FBXL20: variants seen among roughly 807,000 people sequenced by gnomAD.
The protein encoded by FBXL20 is F-box/LRR-repeat protein 20.
A neutral mutation model predicts 64.0 loss-of-function variants in FBXL20; 11 were observed. The observed-to-expected ratio is 0.17, with a 90% confidence interval of 0.11 to 0.28. The LOEUF is 0.28. FBXL20 is among the 10% of genes least tolerant of loss of function. The pLI is 1.00. For missense variants in FBXL20, 303 were observed against 526.2 expected (o/e 0.58, Z 4.15); for synonymous variants, 184 against 189.0 (o/e 0.97, Z 0.22).
chr17:39,289,175 C>G (rs1298943554), intron 6 of FBXL20, among the ~76,000 whole-genome samples: 1 of 152,150 alleles, frequency 6.6e-6, no homozygotes, highest in Admixed American at 6.5e-5. Context: ...AATAACCCTT[C>G]AAATCAGGTA....
chr17:39,381,344 G>A (rs901480216), intron 1 of FBXL20, among the ~76,000 whole-genome samples: 7 of 151,386 alleles, frequency 4.6e-5, no homozygotes, highest in Non-Finnish European at 1.0e-4. Context: ...GCCGGGTGTG[G>A]TGGCATACAC....
intron 1 of FBXL20, among the ~76,000 whole-genome samples, chr17:39,387,545 C>T (rs998760870): frequency 2.0e-5 from 3 of 150,772 alleles, no homozygotes; most frequent in African/African-American, 4.9e-5. Context: ...TCCCAAAGTG[C>T]TGGGATTACA....
intron 2 of FBXL20, among the ~76,000 whole-genome samples, chr17:39,310,976 ACT>A (rs1294161165): frequency 6.6e-6 from 1 of 150,930 alleles, no homozygotes; most frequent in Non-Finnish European, 1.5e-5. Context: ...ACAAAGTGAG[ACT>A]CTCTCTCAAA....
intron 5 of FBXL20, among the ~76,000 whole-genome samples, chr17:39,298,075 T>G (rs377068840): frequency 3.0e-4 from 46 of 152,164 alleles, no homozygotes; most frequent in East Asian, 2.1e-3. Context: ...AAACATAACT[T>G]TAAAAATTAT....
At chr17:39,297,045 A>C in intron 6 of FBXL20, 82 bp downstream of exon 6, 9 of 861,952 alleles carry the variant, frequency 1.0e-5, no homozygotes, top group Non-Finnish European at 1.2e-5. Flanking sequence ...TTTGCTCAAT[A>C]GAGTTAATGG....
At chr17:39,401,902 C>CGTGTGGAAAAGGGGGTCT, upstream of FBXL20, 1 of 410,592 alleles carries the variant, frequency 2.4e-6, no homozygotes, top group Non-Finnish European at 4.0e-6. Context: ...AGTGCCTGTG[C>CGTGTGGAAAAGGGGGTCT]GTGTGGAAAA....
At chr17:39,333,398 C>T (rs1199821642) in intron 2 of FBXL20, among the ~76,000 whole-genome samples, 6 of 152,218 alleles carry the variant, frequency 3.9e-5, no homozygotes, top group South Asian at 2.1e-4. Flanking sequence ...CTGCCAGCCT[C>T]GGCCTCCCGA....
intron 2 of FBXL20, among the ~76,000 whole-genome samples, chr17:39,341,462 C>T (rs1254108207): frequency 6.6e-6 from 1 of 152,132 alleles, no homozygotes; most frequent in Admixed American, 6.6e-5. Flanking sequence ...AGATGAGAGG[C>T]AGAGGTCATG....
chr17:39,263,846 T>C (rs1405882628), intron 14 of FBXL20: 11 of 204,242 alleles, frequency 5.4e-5, no homozygotes, highest in Non-Finnish European at 9.0e-5. Context: ...ATTCCTTTCT[T>C]TCCTTTAGAA....
At position 39,318,667 on chromosome 17, in the gene FBXL20, G is replaced by A. The variant is rs1319516891; in HGVS notation, c.105-15028C>T. 3.3e-5 allele frequency among the ~76,000 whole-genome samples: 5 copies of A among 152,164 alleles called. No individual in the cohort carries two copies. The East Asian group carries it at 9.7e-4, about 30-fold the overall frequency. On this transcript the variant is annotated intron_variant, in intron 2 of 14. Coordinates refer to ENST00000264658, the MANE Select transcript of FBXL20 (RefSeq NM_032875.3). ...AGGCAAGAGAATCGCTTGAACCAGG[G>A]AGGCGAAGGTTTCAGTGAGCCGAGA...
chr17:39,261,322 C>G lies in FBXL20; in HGVS notation c.*138G>C, dbSNP rs3744348. 0.72 allele frequency: 520,997 copies of G among 724,598 alleles called. 195,429 individuals carry two copies. Among genetic ancestry groups the G allele is most frequent in the South Asian group, 0.89 (59,277 of 66,478 alleles). 44.9% of individuals were successfully genotyped at this position (724,598 alleles called of 1,614,324 possible). On this transcript the variant is annotated 3_prime_UTR_variant, in exon 15 of 15. Coordinates refer to ENST00000264658, the MANE Select transcript of FBXL20 (RefSeq NM_032875.3). Reference sequence around the variant, plus strand: ...TGTGTATGTGTATGTATGTGTGGCTCTGGGGATCTGGACACTGCCCTCCCT... The same window carrying G: ...TGTGTATGTGTATGTATGTGTGGCTGTGGGGATCTGGACACTGCCCTCCCT...
intron 2 of FBXL20, among the ~76,000 whole-genome samples, chr17:39,319,225 G>C (rs1211917387): frequency 6.6e-6 from 1 of 151,818 alleles, no homozygotes; most frequent in Admixed American, 6.6e-5. Flanking sequence ...CTCCAGCCTG[G>C]CAACAGAGCA....
At chr17:39,265,358 A>C in intron 13 of FBXL20, 39 bp downstream of exon 13, 2 of 1,519,396 alleles carry the variant, frequency 1.3e-6, no homozygotes, top group Non-Finnish European at 1.8e-6. Flanking sequence ...CTTTTGATTA[A>C]ACCCAGTAAA....
At chr17:39,340,324 C>T (rs564337630) in intron 2 of FBXL20, among the ~76,000 whole-genome samples, 58 of 151,022 alleles carry the variant, frequency 3.8e-4, no homozygotes, top group Admixed American at 1.3e-3. Context: ...CTCAATCTCC[C>T]GACCTTGGGA....
Position 39,329,694 on chromosome 17 carries a change from G to A in FBXL20, c.104+13486C>T, listed in dbSNP as rs2047442454. On this transcript the variant is annotated intron_variant, in intron 2 of 14. Coordinates refer to ENST00000264658, the MANE Select transcript of FBXL20 (RefSeq NM_032875.3). ...TCTATAACTTATCTCTAATGGTTCA[G>A]AAAAAAAACAGAGGGAAAAAAGGTC... Among the ~76,000 whole-genome samples the A allele has an allele frequency of 2.6e-5, 4 of 151,484 alleles. No homozygotes were observed. The South Asian group carries it at 8.3e-4, about 32-fold the overall frequency.
At chr17:39,362,466 G>A (rs536211586) in intron 1 of FBXL20, among the ~76,000 whole-genome samples, 4 of 152,138 alleles carry the variant, frequency 2.6e-5, no homozygotes, top group Non-Finnish European at 5.9e-5. Context: ...TGGGATTACA[G>A]GCATGTGCCA....
chr17:39,299,888 G>A (rs1371308663), intron 4 of FBXL20, among the ~76,000 whole-genome samples: 1 of 152,038 alleles, frequency 6.6e-6, no homozygotes, highest in Admixed American at 6.6e-5. Context: ...TTTGAGGTCA[G>A]GAGTTCGATA....
intron 1 of FBXL20, among the ~76,000 whole-genome samples, chr17:39,364,709 T>TG (rs2047841794): frequency 6.6e-6 from 1 of 152,230 alleles, no homozygotes; most frequent in African/African-American, 2.4e-5. Flanking sequence ...GACAGACTCC[T>TG]GCAGCCATCT....
At chr17:39,345,379 T>A (rs1310343827) in intron 1 of FBXL20, among the ~76,000 whole-genome samples, 1 of 151,786 alleles carries the variant, frequency 6.6e-6, no homozygotes, top group East Asian at 1.9e-4. Flanking sequence ...AGGCCAAAAA[T>A]TAGCTGGGAA....
Sources: allele counts gnomAD v4.1 joint callset (sites outside exome capture counted in the v4.1 genomes callset), GRCh38; gene constraint gnomAD v4.1.1; transcripts MANE v1.5; gene names NCBI Gene and HGNC (gene_info 2026-07-23, HGNC 2026-07-21).